The following OPRM1 variants were observed in gnomAD, a reference collection of about 807,000 sequenced individuals.
OPRM1 encodes the protein opioid receptor mu 1.
In OPRM1, 27 loss-of-function variants were observed where a neutral mutation model predicts 31.8. The ratio of observed to expected loss-of-function variants is 0.85; its 90% CI spans 0.63 to 1.17. The LOEUF is 1.17. Among genes scored for constraint, OPRM1 ranks in the 50% most tolerant of loss-of-function variants. OPRM1 has a pLI of 0.00. For missense variants in OPRM1, 536 were observed against 511.1 expected (o/e 1.05, Z -0.47); for synonymous variants, 196 against 189.9 (o/e 1.03, Z -0.26).
chr6:154,194,253 G>T (rs945155251), intron 3 of OPRM1, among the ~76,000 whole-genome samples: 3 of 152,194 alleles, frequency 2.0e-5, no homozygotes, highest in African/African-American at 4.8e-5. Context: ...TACAAAATTA[G>T]CCAGGCGTGG....
rs565437930 is a variant in OPRM1, at chr6:154,167,531, T to A, written c.1164+76059T>A. Among the ~76,000 whole-genome samples, 3 of 152,336 alleles carry A rather than the reference T, an allele frequency of 2.0e-5. No individual in the cohort carries two copies. In the East Asian group the frequency reaches 5.8e-4, roughly 29 times the overall value. ...GTATGAATCAGATGAAAATTCGAGATCTTATTTATACGACTGTTTATTCTC... is the reference window on the plus strand; with the variant it reads ...GTATGAATCAGATGAAAATTCGAGAACTTATTTATACGACTGTTTATTCTC... On this transcript the variant is annotated intron_variant, in intron 3 of 3. Coordinates refer to the OPRM1 transcript ENST00000337049.
At chr6:154,046,829 T>TA (rs1349072568) in intron 1 of OPRM1, 2 of 152,128 alleles carry the variant, frequency 1.3e-5, no homozygotes, top group Non-Finnish European at 2.9e-5. Flanking sequence ...CGAATTGGAC[T>TA]AAAAAAATCT....
chr6:154,049,785 A>T (rs1184164813), intron 1 of OPRM1, among the ~76,000 whole-genome samples: 1 of 152,130 alleles, frequency 6.6e-6, no homozygotes, highest in African/African-American at 2.4e-5. Flanking sequence ...ACATCACACA[A>T]ATTTAAAATA....
rs746875359 is a variant in OPRM1 at position 154,214,244 on chromosome 6, T to C, written c.1165-32449T>C. 2.8e-5 allele frequency: 45 copies of C among 1,611,472 alleles called. No individual in the cohort carries two copies. The highest frequency in any genetic ancestry group is 3.6e-5 in the Non-Finnish European group (42 of 1,177,642). On this transcript the variant is annotated intron_variant, in intron 3 of 3. Transcript: ENST00000337049. ...TTCATCCTTTGTAGTGGATTCCTGA[T>C]GGATTACAGCCGATCCAAGTTTATT...
intron 1 of OPRM1, chr6:154,086,404 T>C: frequency 4.6e-6 from 1 of 217,662 alleles, no homozygotes; most frequent in Non-Finnish European, 7.8e-6. Flanking sequence ...TTGAAAGAAT[T>C]TTTATAGATA....
chr6:154,180,536 TCTC>T lies in OPRM1; in HGVS notation c.1165-66150_1165-66148del, dbSNP rs1454444078. Among the ~76,000 whole-genome samples, 17 of 152,032 alleles carry T rather than the reference TCTC, an allele frequency of 1.1e-4. No individual in the cohort carries two copies. In the South Asian group the frequency reaches 3.3e-3, roughly 30 times the overall value. On this transcript the variant is annotated intron_variant, in intron 3 of 3. Coordinates refer to the OPRM1 transcript ENST00000337049. ...CTGCCAAATGAATGTGCTGCTCCCT[TCTC>T]CTCCTCTTCCATACCCCAGTCTATT...
intron 1 of OPRM1, among the ~76,000 whole-genome samples, chr6:154,075,114 AAAG>A (rs1304205464): frequency 1.3e-5 from 2 of 152,216 alleles, no homozygotes; most frequent in Non-Finnish European, 2.9e-5. Context: ...TGATATTTTT[AAAG>A]GGAATAGAAT....
intron 1 of OPRM1, among the ~76,000 whole-genome samples, chr6:154,073,256 C>A (rs1787180480): frequency 1.3e-5 from 2 of 152,112 alleles, no homozygotes; most frequent in Non-Finnish European, 2.9e-5. Flanking sequence ...ACAGTGGTAG[C>A]AGGCATGTTA....
intron 3 of OPRM1, among the ~76,000 whole-genome samples, chr6:154,093,785 G>A (rs759252508): frequency 4.5e-4 from 68 of 152,154 alleles, no homozygotes; most frequent in Non-Finnish European, 7.2e-4. Context: ...TAAAAATTAA[G>A]ATAAATCAAA....
rs1254306490 is a variant in OPRM1, at chr6:154,093,760, A to T, written c.1164+2288A>T. On this transcript the variant is annotated intron_variant, in intron 3 of 3. Transcript: ENST00000330432. Reference sequence around the variant, plus strand: ...GAGGCTGCCAGGAAAAGAGGGAAAGATGCTCTGACATATTTAAAAATTAAG... The same window carrying T: ...GAGGCTGCCAGGAAAAGAGGGAAAGTTGCTCTGACATATTTAAAAATTAAG... Among the ~76,000 whole-genome samples, 4 of 152,348 alleles carry T rather than the reference A, an allele frequency of 2.6e-5. No individual in the cohort carries two copies. In the South Asian group the frequency reaches 6.2e-4, roughly 24 times the overall value.
At position 154,120,578 on chromosome 6, in the gene OPRM1, T is replaced by C. The variant is rs1797247954; in HGVS notation, c.*1857T>C. On this transcript the variant is annotated 3_prime_UTR_variant, in exon 4 of 4. Coordinates refer to ENST00000330432, the MANE Select transcript of OPRM1 (RefSeq NM_000914.5). ...TTAAATAAGTGTACTAGGGTGTATA[T>C]ATTTACATATATACACTACTAGAGC... 6.6e-6 allele frequency among the ~76,000 whole-genome samples: 1 copy of C among 152,178 alleles called. No individual in the cohort carries two copies. The highest frequency in any genetic ancestry group is 2.4e-5 in the African/African-American group (1 of 41,442).
chr6:154,010,744 G>GC, exon 1 of OPRM1: 1 of 1,423,730 alleles, frequency 7.0e-7, no homozygotes, highest in Non-Finnish European at 9.2e-7. Flanking sequence ...TGCATGAATT[G>GC]CCCCTTTCTC....
At chr6:154,245,767 C>T (rs1190492695) in intron 3 of OPRM1, among the ~76,000 whole-genome samples, 1 of 152,172 alleles carries the variant, frequency 6.6e-6, no homozygotes, top group Non-Finnish European at 1.5e-5. Context: ...GCAATCAAAC[C>T]TCACTGGGTT....
chr6:154,127,106 CAA>C lies in OPRM1; in HGVS notation c.*8398_*8399del, dbSNP rs3070836. ...CCTGGGCAACAGAATGAGATTGTCT[CAA>C]AAAAAAAAAAAAGTGCCACATGCCA... On this transcript the variant is annotated 3_prime_UTR_variant, in exon 4 of 4. Transcript: ENST00000330432. Among the ~76,000 whole-genome samples the C allele has an allele frequency of 1.8e-4, 26 of 145,018 alleles. No homozygotes were observed. Among genetic ancestry groups the C allele is most frequent in the African/African-American group, 3.1e-4 (12 of 39,342 alleles).
At position 154,039,768 on chromosome 6, in the gene OPRM1, C is replaced by T. The variant is rs1583173482; in HGVS notation, c.224C>T (p.Ala75Val). The T allele has an allele frequency of 6.2e-7, 1 of 1,604,706 alleles. No individual in the cohort carries two copies. The highest frequency in any genetic ancestry group is 2.2e-5 in the East Asian group (1 of 44,870). ...PSMITAITIM[A>V]LYSIVCVVGL... ...ATGATCACGGCCATCACGATCATGG[C>T]CCTCTACTCCATCGTGTGCGTGGTG... The change falls in exon 1 of 4, where the codon GCC becomes GTC. Residue 75 changes from alanine to valine, a missense_variant. Physicochemically the swap from Ala to Val is moderately conservative, Grantham distance 64. Coordinates refer to ENST00000330432, the MANE Select transcript of OPRM1 (RefSeq NM_000914.5).
In OPRM1 at chr6:154,122,615, C is replaced by A. The variant is rs1303301078; in HGVS notation, c.*3894C>A. ...CATAGTCAGTGTTCTTCACTGTCTTCAAAAATATAAAAAGTACAAGGAATT... is the reference window on the plus strand; with the variant it reads ...CATAGTCAGTGTTCTTCACTGTCTTAAAAAATATAAAAAGTACAAGGAATT... On this transcript the variant is annotated 3_prime_UTR_variant, in exon 4 of 4. Transcript: ENST00000330432. 6.6e-6 allele frequency among the ~76,000 whole-genome samples: 1 copy of A among 152,118 alleles called. No homozygotes were observed. Among genetic ancestry groups the A allele is most frequent in the African/African-American group, 2.4e-5 (1 of 41,414 alleles).
At chr6:154,142,885 A>T (rs1445026346) in intron 3 of OPRM1, among the ~76,000 whole-genome samples, 10 of 152,106 alleles carry the variant, frequency 6.6e-5, no homozygotes, top group Admixed American at 5.2e-4. Context: ...CACTCTTCTC[A>T]TTCTCTAATG....
intron 3 of OPRM1, among the ~76,000 whole-genome samples, chr6:154,235,457 GGAGGCA>G (rs1780043587): frequency 6.6e-6 from 1 of 150,862 alleles, no homozygotes; most frequent in Non-Finnish European, 1.5e-5. Context: ...CTTGAACCCG[GGAGGCA>G]GAGGTCACAG....
At chr6:154,243,396 CTCT>C in intron 3 of OPRM1, among the ~76,000 whole-genome samples, 1 of 152,174 alleles carries the variant, frequency 6.6e-6, no homozygotes, top group South Asian at 2.1e-4. Flanking sequence ...GCAGATGAGC[CTCT>C]GGACTTGACC....
Sources: gnomAD v4.1 joint callset for allele counts (sites outside exome capture counted in the v4.1 genomes callset) on GRCh38, gnomAD v4.1.1 for gene constraint, MANE v1.5 for transcripts, NCBI Gene and HGNC (gene_info 2026-07-23, HGNC 2026-07-21) for gene names.